CEP63: variants seen among roughly 807,000 people sequenced by gnomAD.
CEP63 encodes the protein centrosomal protein 63.
In CEP63, 84 loss-of-function variants were observed where a neutral mutation model predicts 89.1. That is an observed-to-expected ratio of 0.94 (90% CI 0.79 to 1.13). CEP63 has a LOEUF of 1.13. Among genes scored for constraint, CEP63 ranks in the 50% most tolerant of loss-of-function variants. CEP63 has a pLI of 0.00. For missense variants in CEP63, 838 were observed against 813.3 expected (o/e 1.03, Z -0.37); for synonymous variants, 267 against 272.5 (o/e 0.98, Z 0.20).
chr3:134,759,525 A>T, the CEP63 span, among the ~76,000 whole-genome samples: 1 of 152,232 alleles, frequency 6.6e-6, no homozygotes, highest in Admixed American at 6.5e-5. Flanking sequence ...GACCTGTAGC[A>T]CCTGGATTTT....
the CEP63 span, chr3:134,651,028 C>A: frequency 3.1e-6 from 5 of 1,602,402 alleles, no homozygotes; most frequent in South Asian, 2.2e-5. Flanking sequence ...CAAATGGCCC[C>A]GTGCGCGCAG....
the CEP63 span, among the ~76,000 whole-genome samples, chr3:134,774,475 T>C: frequency 2.0e-5 from 3 of 152,214 alleles, no homozygotes; most frequent in African/African-American, 7.2e-5. Flanking sequence ...ACTGAATGCC[T>C]TGATGGACTC....
the CEP63 span, among the ~76,000 whole-genome samples, chr3:134,689,464 T>TTAC: frequency 6.7e-6 from 1 of 150,188 alleles, no homozygotes; most frequent in Non-Finnish European, 1.5e-5. Flanking sequence ...ATTATTATTA[T>TTAC]TATTTGAGAC....
At chr3:134,588,666 G>T (rs571359118), downstream of CEP63, among the ~76,000 whole-genome samples, 19 of 152,050 alleles carry the variant, frequency 1.2e-4, no homozygotes, top group South Asian at 1.0e-3. Context: ...ATTTTAAAAA[G>T]GTAAGAAAGA....
the CEP63 span, among the ~76,000 whole-genome samples, chr3:134,680,066 C>G: frequency 1.3e-5 from 2 of 152,144 alleles, no homozygotes; most frequent in Non-Finnish European, 2.9e-5. Flanking sequence ...GACACAGACA[C>G]ACACACACAC....
At chr3:134,583,053 A>G (rs1560080078) in intron 10 of CEP63, among the ~76,000 whole-genome samples, 5 of 151,994 alleles carry the variant, frequency 3.3e-5, no homozygotes, top group Admixed American at 2.0e-4. Context: ...AAATTTGTGT[A>G]AGTTCTTTGT....
the CEP63 span, among the ~76,000 whole-genome samples, chr3:134,662,558 C>T: frequency 1.3e-5 from 2 of 152,162 alleles, no homozygotes; most frequent in East Asian, 1.9e-4. Context: ...TCCCAACAAC[C>T]TTTTGAGGTG....
chr3:134,758,983 A>G, the CEP63 span, among the ~76,000 whole-genome samples: 1 of 152,158 alleles, frequency 6.6e-6, no homozygotes, highest in African/African-American at 2.4e-5. Context: ...TATAAAAGGG[A>G]GGCAGGAAGG....
the CEP63 span, chr3:134,603,026 GGCA>G: frequency 6.6e-6 from 1 of 152,272 alleles, no homozygotes; most frequent in Non-Finnish European, 1.5e-5. Flanking sequence ...CTAATGAAGA[GGCA>G]GCAGGATGCA....
intron 11 of CEP63, among the ~76,000 whole-genome samples, chr3:134,551,356 C>T (rs1954780383): frequency 6.6e-6 from 1 of 151,918 alleles, no homozygotes; most frequent in African/African-American, 2.4e-5. Flanking sequence ...GGATACTTCT[C>T]ATTTAGTGTA....
chr3:134,652,444 G>GCC, the CEP63 span, among the ~76,000 whole-genome samples: 80 of 144,720 alleles, frequency 5.5e-4, 2 homozygotes, highest in African/African-American at 1.9e-3. Flanking sequence ...CATTACCAGC[G>GCC]CCCCCCCCCA....
intron 1 of CEP63, chr3:134,486,578 A>G: frequency 1.0e-6 from 1 of 966,418 alleles, no homozygotes; most frequent in South Asian, 4.9e-5. Context: ...AGCTGCGCCC[A>G]GTACTCACCT....
the CEP63 span, among the ~76,000 whole-genome samples, chr3:134,595,344 C>T: frequency 6.6e-6 from 1 of 152,210 alleles, no homozygotes; most frequent in African/African-American, 2.4e-5. Flanking sequence ...TTCCTGAGGC[C>T]TCCCCAGCCA....
intron 6 of CEP63, among the ~76,000 whole-genome samples, chr3:134,543,634 A>C (rs1952536958): frequency 6.6e-6 from 1 of 152,216 alleles, no homozygotes; most frequent in South Asian, 2.1e-4. Context: ...ACAGTATTAA[A>C]AAGATAGTGT....
At chr3:134,643,785 A>G in the CEP63 span, among the ~76,000 whole-genome samples, 1 of 150,774 alleles carries the variant, frequency 6.6e-6, no homozygotes, top group African/African-American at 2.4e-5. Context: ...CTGACCTGGG[A>G]CTTGAACCTC....
the CEP63 span, among the ~76,000 whole-genome samples, chr3:134,681,125 G>C: frequency 6.6e-6 from 1 of 152,190 alleles, no homozygotes; most frequent in African/African-American, 2.4e-5. Flanking sequence ...TCCTATAAGG[G>C]GTCCTCTGAT....
intron 3 of CEP63, among the ~76,000 whole-genome samples, chr3:134,518,345 T>C (rs1946669140): frequency 6.6e-6 from 1 of 152,198 alleles, no homozygotes; most frequent in Non-Finnish European, 1.5e-5. Flanking sequence ...TTGTACCTAG[T>C]AACTGCTGAA....
chr3:134,582,754 A>AGTGT (rs1958391945), intron 10 of CEP63, among the ~76,000 whole-genome samples: 1 of 152,210 alleles, frequency 6.6e-6, no homozygotes, highest in Non-Finnish European at 1.5e-5. Context: ...GAATCACCAC[A>AGTGT]CTGTCTTCCA....
In CEP63 at chr3:134,515,023, A is replaced by G. The variant is rs192071759; in HGVS notation, c.222+7737A>G. 2.4e-4 allele frequency among the ~76,000 whole-genome samples: 36 copies of G among 152,254 alleles called. No individual in the cohort carries two copies. The East Asian group carries it at 5.8e-3, about 25-fold the overall frequency. On this transcript the variant is annotated intron_variant, in intron 3 of 14. Transcript: ENST00000675561. ...ATGTCACTGTGCCCAGCTAACGGTA[A>G]TTGCCTTTTGAGTTTAACGTATATG...
Sources: gnomAD v4.1 joint callset for allele counts (sites outside exome capture counted in the v4.1 genomes callset) on GRCh38, gnomAD v4.1.1 for gene constraint, MANE v1.5 for transcripts, NCBI Gene and HGNC (gene_info 2026-07-23, HGNC 2026-07-21) for gene names.